The following PBX1 variants were observed in gnomAD, a reference collection of about 807,000 sequenced individuals.
PBX1 encodes pre-B-cell leukemia transcription factor 1.
In PBX1, 6 loss-of-function variants were observed where a neutral mutation model predicts 53.4. The observed-to-expected ratio is 0.11, with a 90% CI of 0.06 to 0.22. The LOEUF is 0.22. Among genes scored for constraint, PBX1 ranks in the 10% least tolerant of loss-of-function variants. The pLI, the probability that PBX1 is intolerant of heterozygous loss-of-function variation, is 1.00. For synonymous variants in PBX1, 204 were observed against 212.3 expected (o/e 0.96, Z 0.34); for missense variants, 251 against 551.4 (o/e 0.46, Z 5.46).
intron 2 of PBX1, among the ~76,000 whole-genome samples, chr1:164,631,275 GT>G (rs953603438): frequency 1.7e-4 from 25 of 146,918 alleles, no homozygotes; most frequent in African/African-American, 5.0e-4. Context: ...TAGTGAGAGA[GT>G]TTTTTTTTTC....
intron 2 of PBX1, among the ~76,000 whole-genome samples, chr1:164,618,396 G>GT (rs1224280690): frequency 2.0e-5 from 3 of 149,876 alleles, no homozygotes; most frequent in Non-Finnish European, 4.4e-5. Context: ...CTTGAACCTT[G>GT]TCAATGACTG....
chr1:164,561,525 C>T (rs1200016541), intron 1 of PBX1, among the ~76,000 whole-genome samples: 1 of 152,192 alleles, frequency 6.6e-6, no homozygotes, highest in Non-Finnish European at 1.5e-5. Context: ...AGATTTCCCA[C>T]TGGCAATTCT....
At chr1:164,711,170 C>T (rs1663745174) in intron 2 of PBX1, among the ~76,000 whole-genome samples, 1 of 152,190 alleles carries the variant, frequency 6.6e-6, no homozygotes, top group Admixed American at 6.5e-5. Flanking sequence ...TTTGTACCAA[C>T]AGCAGTGAAC....
At chr1:164,648,817 T>A (rs1311690521) in intron 2 of PBX1, among the ~76,000 whole-genome samples, 1 of 152,180 alleles carries the variant, frequency 6.6e-6, no homozygotes, top group Non-Finnish European at 1.5e-5. Flanking sequence ...CAAGGCAGTG[T>A]AATGTAATGA....
chr1:164,619,501 A>G (rs1216410838), intron 2 of PBX1, among the ~76,000 whole-genome samples: 1 of 152,112 alleles, frequency 6.6e-6, no homozygotes, highest in Non-Finnish European at 1.5e-5. Flanking sequence ...AAAATGACCT[A>G]TACAAGGCAG....
At chr1:164,612,420 T>A (rs1325151312) in intron 2 of PBX1, among the ~76,000 whole-genome samples, 1 of 152,102 alleles carries the variant, frequency 6.6e-6, no homozygotes, top group Non-Finnish European at 1.5e-5. Context: ...TGACCAAGTT[T>A]GTCTTCTAGG....
At chr1:164,662,828 G>A (rs1263780102) in intron 2 of PBX1, among the ~76,000 whole-genome samples, 1 of 94,584 alleles carries the variant, frequency 1.1e-5, no homozygotes, top group African/African-American at 3.0e-5. Context: ...GAACATGTGT[G>A]AACATTTATT....
At chr1:164,845,723 G>C (rs946562327) in intron 8 of PBX1, among the ~76,000 whole-genome samples, 2 of 152,076 alleles carry the variant, frequency 1.3e-5, no homozygotes, top group African/African-American at 2.4e-5. Context: ...CCTGGATCTA[G>C]AGTCTTGTAA....
At chr1:164,804,146 G>A (rs1669219738) in intron 4 of PBX1, among the ~76,000 whole-genome samples, 1 of 152,258 alleles carries the variant, frequency 6.6e-6, no homozygotes, top group East Asian at 1.9e-4. Context: ...AGCTGTATTG[G>A]AGAAAAGACA....
At chr1:164,788,761 C>CT (rs397780164) in intron 2 of PBX1, among the ~76,000 whole-genome samples, 1 of 142,550 alleles carries the variant, frequency 7.0e-6, no homozygotes, top group East Asian at 2.3e-4. Context: ...CTCCCCCCCC[C>CT]GCCCTTTTCT....
At chr1:164,811,873 A>AATACAAG (rs11280817) in intron 5 of PBX1, 117 bp from the exon 6 acceptor site, 8 of 567,416 alleles carry the variant, frequency 1.4e-5, no homozygotes, top group Non-Finnish European at 2.2e-5. Context: ...CCAAATTATT[A>AATACAAG]TAGGATAAGA....
At chr1:164,646,509 C>T (rs754087062) in intron 2 of PBX1, among the ~76,000 whole-genome samples, 5 of 152,106 alleles carry the variant, frequency 3.3e-5, no homozygotes, top group Non-Finnish European at 7.3e-5. Context: ...CCTGTGGATG[C>T]TTCTGATGGG....
intron 2 of PBX1, among the ~76,000 whole-genome samples, chr1:164,599,782 A>C (rs932163677): frequency 1.3e-5 from 2 of 152,162 alleles, no homozygotes; most frequent in Non-Finnish European, 2.9e-5. Context: ...ATCTTTGCAT[A>C]TGTGTTCTTT....
intron 2 of PBX1, among the ~76,000 whole-genome samples, chr1:164,637,448 G>A (rs1658849964): frequency 6.6e-6 from 1 of 152,182 alleles, no homozygotes; most frequent in African/African-American, 2.4e-5. Context: ...TATAAGCCAG[G>A]GGCTCCTGAG....
At chr1:164,867,882 A>G (rs1415948575) in intron 2 of PBX1, among the ~76,000 whole-genome samples, 1 of 152,220 alleles carries the variant, frequency 6.6e-6, no homozygotes, top group African/African-American at 2.4e-5. Context: ...CTCACAGGAG[A>G]CCCAAGAAAT....
chr1:164,591,000 A>G (rs1571286506), intron 2 of PBX1, among the ~76,000 whole-genome samples: 1 of 142,006 alleles, frequency 7.0e-6, no homozygotes, highest in South Asian at 2.3e-4. Flanking sequence ...GTGTGCCACC[A>G]CACTTGGCTA....
At chr1:164,696,219 TC>T (rs1442978392) in intron 2 of PBX1, among the ~76,000 whole-genome samples, 1 of 152,152 alleles carries the variant, frequency 6.6e-6, no homozygotes, top group Non-Finnish European at 1.5e-5. Flanking sequence ...GGATCTGGGA[TC>T]TGCTATCTTG....
chr1:164,719,994 G>A (rs1164996286), intron 2 of PBX1, among the ~76,000 whole-genome samples: 1 of 152,028 alleles, frequency 6.6e-6, no homozygotes, highest in Non-Finnish European at 1.5e-5. Flanking sequence ...TAATCAAGTT[G>A]AACATTTCCA....
At chr1:164,581,822 A>T (rs1654637357) in intron 2 of PBX1, among the ~76,000 whole-genome samples, 1 of 152,214 alleles carries the variant, frequency 6.6e-6, no homozygotes, top group Admixed American at 6.5e-5. Flanking sequence ...ATTTACCTTT[A>T]ATCATACTAT....
Sources: gnomAD v4.1 joint callset for allele counts (sites outside exome capture counted in the v4.1 genomes callset) on GRCh38, gnomAD v4.1.1 for gene constraint, MANE v1.5 for transcripts, NCBI Gene and HGNC (gene_info 2026-07-23, HGNC 2026-07-21) for gene names.